Variants in CYTL1 observed in about 807,000 individuals in gnomAD.
The protein encoded by CYTL1 is cytokine like 1, also known as cytokine-like protein 1.
In CYTL1, 17 loss-of-function variants were observed where a neutral mutation model predicts 13.1. The ratio of observed to expected loss-of-function variants is 1.29; its 90% confidence interval spans 0.89 to 1.94. CYTL1 has a LOEUF of 1.94. CYTL1 is among the 30% of genes most tolerant of loss of function. The probability of loss-of-function intolerance (pLI) is 0.00; values close to 1 mark genes in which losing one functional copy is unlikely to be tolerated. For synonymous variants in CYTL1, 91 were observed against 79.4 expected (o/e 1.15, Z -0.78); for missense variants, 213 against 174.8 (o/e 1.22, Z -1.23).
chr4:5,015,103 C>G lies in CYTL1; in HGVS notation c.*48G>C. The G allele has an allele frequency of 6.6e-7, 1 of 1,505,994 alleles. No individual in the cohort carries two copies. The highest frequency in any genetic ancestry group is 2.3e-5 in the East Asian group (1 of 44,368). The allele number at this position is 1,505,994 out of a possible 1,614,324, so 93.3% of individuals were successfully genotyped here. A position where few individuals can be genotyped will look rare whatever the true frequency, so the allele number is the denominator to read the frequency against. ...GCTCTGGCCCATTAAGTCTGGGTAG[C>G]TGACATAACTGTAGTTCTCTTGGGT... On this transcript the variant is annotated 3_prime_UTR_variant, in exon 4 of 4. Transcript: ENST00000307746.
intron 3 of CYTL1, among the ~76,000 whole-genome samples, chr4:5,016,173 C>T (rs576064618): frequency 6.6e-6 from 1 of 152,364 alleles, no homozygotes; most frequent in South Asian, 2.1e-4. Flanking sequence ...CTCTTACCCT[C>T]TTGCTGAGTG....
chr4:5,017,135 GTGTA>G lies in CYTL1; in HGVS notation c.194_197del (p.Ile65ThrfsTer24). The G allele has an allele frequency of 6.2e-7, 1 of 1,613,910 alleles. No individual in the cohort carries two copies. The highest frequency in any genetic ancestry group is 8.5e-7 in the Non-Finnish European group (1 of 1,179,892). On this transcript the variant is annotated frameshift_variant and splice_region_variant, in exon 2 of 4. Transcript: ENST00000307746. LOFTEE classifies it high-confidence loss of function. ...CCTCCCCCAGGGAGAACCCTCTTACGTGTATGTCCAGGTACAGCCTGGGCAGGTA... is the reference window on the plus strand; with the variant it reads ...CCTCCCCCAGGGAGAACCCTCTTACGTGTCCAGGTACAGCCTGGGCAGGTA...
chr4:5,019,349 C>G lies in CYTL1; in HGVS notation c.97G>C (p.Ala33Pro). ...TPPTCYSRMR[A>P]LSQEITRDFN... ...TCGCGGGTGATCTCCTGGCTCAGGG[C>G]CCGCATGCGGGAGTAGCAGGTCGGG... The change falls in exon 1 of 4, where the codon GCC becomes CCC. Residue 33 changes from alanine (A) to proline (P), a missense_variant. Ala to Pro is a conservative substitution (Grantham distance 27). Coordinates refer to ENST00000307746, the MANE Select transcript of CYTL1 (RefSeq NM_018659.3). 6.6e-7 allele frequency: 1 copy of G among 1,514,562 alleles called. No individual in the cohort carries two copies. Among genetic ancestry groups the G allele is most frequent in the Non-Finnish European group, 8.8e-7 (1 of 1,138,992 alleles). The allele number at this position is 1,514,562 out of a possible 1,614,324, so 93.8% of individuals were successfully genotyped here.
intron 1 of CYTL1, among the ~76,000 whole-genome samples, chr4:5,018,937 T>C (rs1741133810): frequency 6.6e-6 from 1 of 150,724 alleles, no homozygotes; most frequent in Non-Finnish European, 1.5e-5. Context: ...CATTCCTCCG[T>C]CCTCCTTAAC....
In CYTL1 at chr4:5,019,371, C is replaced by T. The variant is rs1211420294; in HGVS notation, c.75G>A (p.Pro25=). 4.0e-6 allele frequency: 6 copies of T among 1,513,912 alleles called. No homozygotes were observed. Among genetic ancestry groups the T allele is most frequent in the Non-Finnish European group, 1.8e-6 (2 of 1,139,082 alleles). The allele number at this position is 1,513,912 out of a possible 1,614,324, so 93.8% of individuals were successfully genotyped here. The change falls in exon 1 of 4, where the codon CCG becomes CCA. Residue 25 remains proline (P), a synonymous_variant. Coordinates refer to ENST00000307746, the MANE Select transcript of CYTL1 (RefSeq NM_018659.3). ...GGGCCCGCATGCGGGAGTAGCAGGT[C>T]GGGGGAGTGGGCCGCGCGGCGGGGG... The part of the protein sequence containing the change: ...AGAPAARPTP[P]TCYSRMRALS...
Position 5,014,976 on chromosome 4 carries a change from C to A in CYTL1, c.*175G>T. On this transcript the variant is annotated 3_prime_UTR_variant, in exon 4 of 4. Coordinates refer to ENST00000307746, the MANE Select transcript of CYTL1 (RefSeq NM_018659.3). The stretch of plus-strand genomic sequence containing the variant: ...GAAGCATGGTTGCTAACTCTATGCT[C>A]AAAGGAGGTTCCTGGGTAGGAATAC... The A allele has an allele frequency of 1.5e-6, 1 of 648,496 alleles. No homozygotes were observed. Among genetic ancestry groups the A allele is most frequent in the Non-Finnish European group, 2.8e-6 (1 of 362,764 alleles). The allele number at this position is 648,496 out of a possible 1,614,324, so 40.2% of individuals were successfully genotyped here. A position where few individuals can be genotyped will look rare whatever the true frequency, so the allele number is the denominator to read the frequency against.
Position 5,015,213 on chromosome 4 carries a change from C to T in CYTL1, c.349G>A (p.Asp117Asn). 1 of 1,613,562 alleles carries T rather than the reference C, an allele frequency of 6.2e-7. No homozygotes were observed. The highest frequency in any genetic ancestry group is 8.5e-7 in the Non-Finnish European group (1 of 1,179,792). ...ATTGGGTATTCCAAGGCATTGCAGT[C>T]ATCCAACAGGAATACCAAATCCTGA... ...CRRDLVFLLD[D>N]CNALEYPIPV... is the part of the protein sequence containing the mutation. The change falls in exon 4 of 4, where the codon GAC becomes AAC. Residue 117 changes from aspartate (D) to asparagine (N), a missense_variant. By Grantham distance (23) the Asp-to-Asn change is conservative (BLOSUM62 1). Transcript: ENST00000307746.
chr4:5,019,311 C>A lies in CYTL1; in HGVS notation c.135G>T (p.Leu45=). The A allele has an allele frequency of 6.6e-7, 1 of 1,507,348 alleles. No homozygotes were observed. Among genetic ancestry groups the A allele is most frequent in the South Asian group, 1.3e-5 (1 of 77,012 alleles). The allele number at this position is 1,507,348 out of a possible 1,614,324, so 93.4% of individuals were successfully genotyped here. ...SQEITRDFNL[L]QVSEPSEPCV... is the part of the protein sequence containing the mutation. The stretch of plus-strand genomic sequence containing the variant: ...GACTCACCGAGGGCTCCGAGACCTG[C>A]AGGAGGTTGAAGTCGCGGGTGATCT... The change falls in exon 1 of 4, where the codon CTG becomes CTT. Residue 45 remains leucine (L), a synonymous_variant. Transcript: ENST00000307746.
chr4:5,018,101 A>G (rs534386759), intron 1 of CYTL1, among the ~76,000 whole-genome samples: 46 of 152,372 alleles, frequency 3.0e-4, no homozygotes, highest in African/African-American at 1.1e-3. Context: ...ATTGTGGTGA[A>G]ACTGTACAAC....
chr4:5,017,104 G>C, intron 2 of CYTL1, 31 bp downstream of exon 2: 1 of 1,611,894 alleles, frequency 6.2e-7, no homozygotes. Context: ...CTCAGCCCAA[G>C]ACCTCCCTCC....
In CYTL1 at chr4:5,017,116, C is replaced by A. The variant is rs566636244; in HGVS notation, c.198+19G>T. 2 of 1,612,896 alleles carry A rather than the reference C, an allele frequency of 1.2e-6. No homozygotes were observed. Among genetic ancestry groups the A allele is most frequent in the South Asian group, 1.1e-5 (1 of 90,850 alleles). On this transcript the variant is annotated intron_variant, in intron 2 of 3. Coordinates refer to ENST00000307746, the MANE Select transcript of CYTL1 (RefSeq NM_018659.3). ...TCCCTCAGCCCAAGACCTCCCTCCC[C>A]CAGGGAGAACCCTCTTACGTGTATG...
intron 2 of CYTL1, 78 bp from the exon 3 acceptor site, chr4:5,017,042 T>G (rs988796454): frequency 5.6e-6 from 9 of 1,604,434 alleles, no homozygotes; most frequent in African/African-American, 5.4e-5. Context: ...GCATAAGATC[T>G]CTCCCTGACT....
chr4:5,015,198 C>A lies in CYTL1; in HGVS notation c.364G>T (p.Glu122Ter). 6.2e-7 allele frequency: 1 copy of A among 1,613,850 alleles called. No individual in the cohort carries two copies. Among genetic ancestry groups the A allele is most frequent in the Non-Finnish European group, 8.5e-7 (1 of 1,179,912 alleles). Reference sequence around the variant, plus strand: ...ACCGTAGTCACTGGGATTGGGTATTCCAAGGCATTGCAGTCATCCAACAGG... The same window carrying A: ...ACCGTAGTCACTGGGATTGGGTATTACAAGGCATTGCAGTCATCCAACAGG... ...VFLLDDCNALEYPIPVTTVLP... is the reference protein window; with the variant it reads ...VFLLDDCNAL The change falls in exon 4 of 4, where the codon GAA (glutamate) becomes TAA (stop). Residue 122 changes from glutamate to a stop codon, truncating the protein, a stop_gained. Coordinates refer to ENST00000307746, the MANE Select transcript of CYTL1 (RefSeq NM_018659.3). LOFTEE classifies it high-confidence loss of function.
At position 5,016,834 on chromosome 4, in the gene CYTL1, A is replaced by T. The variant is rs200775458; in HGVS notation, c.327+2T>A. 3.5e-5 allele frequency: 57 copies of T among 1,613,658 alleles called. No individual in the cohort carries two copies. Among genetic ancestry groups the T allele is most frequent in the Non-Finnish European group, 3.1e-5 (37 of 1,179,930 alleles). On this transcript the variant is annotated splice_donor_variant, in intron 3 of 3. Transcript: ENST00000307746. LOFTEE classifies it high-confidence loss of function. ...AATAGACTTTCAATGGCATCCACTTACTCTCCTGCAGAACGAGTTCATGAT... is the reference window on the plus strand; with the variant it reads ...AATAGACTTTCAATGGCATCCACTTTCTCTCCTGCAGAACGAGTTCATGAT...
At chr4:5,016,159 C>G (rs1411896842) in intron 3 of CYTL1, among the ~76,000 whole-genome samples, 1 of 152,218 alleles carries the variant, frequency 6.6e-6, no homozygotes, top group African/African-American at 2.4e-5. Context: ...TGAACTCTCT[C>G]TGGCTCTTAC....
chr4:5,018,461 C>T (rs1741125698), intron 1 of CYTL1, among the ~76,000 whole-genome samples: 1 of 152,172 alleles, frequency 6.6e-6, no homozygotes, highest in Non-Finnish European at 1.5e-5. Context: ...TTGTAAACCC[C>T]AACATCTGAG....
rs375377206 is a variant in CYTL1, at chr4:5,017,097, A to G, written c.198+38T>C. 83 of 1,610,756 alleles carry G rather than the reference A, an allele frequency of 5.2e-5. No individual in the cohort carries two copies. The African/African-American group carries it at 8.0e-4, about 16-fold the overall frequency. On this transcript the variant is annotated intron_variant, in intron 2 of 3. Transcript: ENST00000307746. ...GCAGAGGTTCAGACCTGAGTCCCTC[A>G]GCCCAAGACCTCCCTCCCCCAGGGA...
At chr4:5,018,879 T>C (rs1190116641) in intron 1 of CYTL1, among the ~76,000 whole-genome samples, 1 of 152,098 alleles carries the variant, frequency 6.6e-6, no homozygotes, top group Admixed American at 6.5e-5. Flanking sequence ...GTGAGCCACC[T>C]CTTAGGGCAC....
At position 5,019,241 on chromosome 4, in the gene CYTL1, T is replaced by G. The variant is rs28670123; in HGVS notation, c.153+52A>C. The G allele has an allele frequency of 1.0e-3, 1,407 of 1,363,704 alleles. 9 individuals carry two copies. In the African/African-American group the frequency reaches 0.013, roughly 12 times the overall value. 84.5% of individuals were successfully genotyped at this position (1,363,704 alleles called of 1,614,324 possible). On this transcript the variant is annotated intron_variant, in intron 1 of 3. Transcript: ENST00000307746. Reference sequence around the variant, plus strand: ...TTTTTTTTCGTGTAAAGGCAAGGGTTTAAGAACTGGGTCTGCCATGCACCC... The same window carrying G: ...TTTTTTTTCGTGTAAAGGCAAGGGTGTAAGAACTGGGTCTGCCATGCACCC...
Sources: gnomAD v4.1 joint callset for allele counts (sites outside exome capture counted in the v4.1 genomes callset) on GRCh38, gnomAD v4.1.1 for gene constraint, MANE v1.5 for transcripts, NCBI Gene and HGNC (gene_info 2026-07-23, HGNC 2026-07-21) for gene names.